The following PEAK1 variants were observed in gnomAD, a reference collection of about 807,000 sequenced individuals.
PEAK1 encodes pseudopodium enriched atypical kinase 1.
A neutral mutation model predicts 124.7 loss-of-function variants in PEAK1; 54 were observed. The observed-to-expected ratio is 0.43, with a 90% CI of 0.35 to 0.54. PEAK1 has a LOEUF of 0.54. PEAK1 is among the 20% of genes least tolerant of loss of function. PEAK1 has a pLI of 0.01. For synonymous variants in PEAK1, 719 were observed against 760.0 expected, an observed-to-expected ratio of 0.95 and a Z score of 0.89; for missense variants, 2,046 against 2,134.5, an observed-to-expected ratio of 0.96 and a Z score of 0.82.
chr15:77,314,131 ACCAT>A lies in PEAK1; in HGVS notation c.-602-27631_-602-27628del, dbSNP rs139218525. On this transcript the variant is annotated intron_variant, in intron 2 of 9. Transcript: ENST00000682557. ...TAAAGCATTACAGTATTTTTCTGTGACCATCAATTAATATGAGGGTTTGTGTTAT... is the reference window on the plus strand; with the variant it reads ...TAAAGCATTACAGTATTTTTCTGTGACAATTAATATGAGGGTTTGTGTTAT... Among the ~76,000 whole-genome samples, 759 of 152,236 alleles carry A rather than the reference ACCAT, an allele frequency of 5.0e-3. 6 individuals carry two copies. Among genetic ancestry groups the A allele is most frequent in the African/African-American group, 0.017 (720 of 41,540 alleles).
At chr15:77,239,886 A>C in intron 6 of PEAK1, 2 of 973,862 alleles carry the variant, frequency 2.1e-6, no homozygotes, top group Non-Finnish European at 2.4e-6. Context: ...TGAGAGAGTA[A>C]AATCTGTCAA....
chr15:77,153,421 T>G (rs1314290953), intron 8 of PEAK1, among the ~76,000 whole-genome samples: 4 of 152,116 alleles, frequency 2.6e-5, no homozygotes, highest in Non-Finnish European at 5.9e-5. Context: ...TTTGTTGATC[T>G]TTTCAAAAAA....
chr15:77,368,782 T>C (rs187821260), intron 1 of PEAK1, among the ~76,000 whole-genome samples: 1 of 152,264 alleles, frequency 6.6e-6, no homozygotes, highest in Admixed American at 6.5e-5. Flanking sequence ...CAATTCAAGA[T>C]ACTGGGGACA....
At chr15:77,252,584 G>A (rs1596893498) in intron 5 of PEAK1, 58 bp from the exon 6 acceptor site, 5 of 868,302 alleles carry the variant, frequency 5.8e-6, no homozygotes, top group Non-Finnish European at 6.9e-6. Flanking sequence ...AAATATATTG[G>A]ACATCTTTTC....
At chr15:77,266,243 AAAGTAT>A (rs2061723206) in intron 5 of PEAK1, among the ~76,000 whole-genome samples, 2 of 152,292 alleles carry the variant, frequency 1.3e-5, no homozygotes, top group South Asian at 2.1e-4. Flanking sequence ...CCTAAAAGTT[AAAGTAT>A]AATAATAAAA....
chr15:77,418,329 A>G, intron 1 of PEAK1: 1 of 985,310 alleles, frequency 1.0e-6, no homozygotes, highest in East Asian at 1.1e-4. Context: ...AAAAGCCTTA[A>G]AGAAAATAAT....
chr15:77,193,974 TA>T (rs1009991808), intron 6 of PEAK1, among the ~76,000 whole-genome samples: 1 of 152,206 alleles, frequency 6.6e-6, no homozygotes, highest in Non-Finnish European at 1.5e-5. Flanking sequence ...ATTCCAGAAT[TA>T]TACCTCTTGC....
chr15:77,313,692 G>GTGTGTGTA (rs34603921), intron 2 of PEAK1, among the ~76,000 whole-genome samples: 1,291 of 98,538 alleles, frequency 0.013, 17 homozygotes, highest in African/African-American at 0.031. Context: ...GTGTGTGTGT[G>GTGTGTGTA]TATATATATA....
chr15:77,417,400 T>C, intron 1 of PEAK1: 2 of 963,964 alleles, frequency 2.1e-6, no homozygotes, highest in Non-Finnish European at 2.4e-6. Context: ...ACCTAGAAAG[T>C]ACCAGGAGCT....
At chr15:77,399,429 C>T (rs995997063) in intron 1 of PEAK1, among the ~76,000 whole-genome samples, 2 of 152,074 alleles carry the variant, frequency 1.3e-5, no homozygotes, top group Non-Finnish European at 2.9e-5. Context: ...TACTACAATG[C>T]TATAGTAACT....
chr15:77,341,935 T>A (rs916581413), intron 2 of PEAK1, among the ~76,000 whole-genome samples: 11 of 152,078 alleles, frequency 7.2e-5, no homozygotes, highest in African/African-American at 2.7e-4. Flanking sequence ...ATCTAAAAAT[T>A]AAGACTTTAT....
intron 6 of PEAK1, among the ~76,000 whole-genome samples, chr15:77,195,453 A>C (rs2058054601): frequency 6.6e-6 from 1 of 152,220 alleles, no homozygotes; most frequent in Non-Finnish European, 1.5e-5. Flanking sequence ...AAAATAAATA[A>C]AAGGTAGGAG....
chr15:77,136,423 T>G (rs2053333928), intron 8 of PEAK1, among the ~76,000 whole-genome samples: 1 of 152,146 alleles, frequency 6.6e-6, no homozygotes, highest in African/African-American at 2.4e-5. Context: ...CCCAGCACTT[T>G]GAGAGGCTGA....
At chr15:77,151,539 C>T (rs970871216) in intron 8 of PEAK1, among the ~76,000 whole-genome samples, 2 of 152,166 alleles carry the variant, frequency 1.3e-5, no homozygotes, top group Non-Finnish European at 2.9e-5. Flanking sequence ...TCAATTTTGG[C>T]TTTTGCTGCC....
intron 6 of PEAK1, among the ~76,000 whole-genome samples, chr15:77,249,439 C>T (rs1426417133): frequency 6.6e-6 from 1 of 152,120 alleles, no homozygotes; most frequent in South Asian, 2.1e-4. Context: ...ATAGTTCACA[C>T]CATTAAAAAT....
chr15:77,360,008 A>G (rs1000894750), intron 2 of PEAK1, among the ~76,000 whole-genome samples: 1 of 152,222 alleles, frequency 6.6e-6, no homozygotes, highest in African/African-American at 2.4e-5. Flanking sequence ...TACACTGCCC[A>G]ATTTCAAAAC....
chr15:77,180,409 G>A lies in PEAK1; in HGVS notation c.1518C>T (p.Asn506=). The A allele has an allele frequency of 6.2e-7, 1 of 1,614,152 alleles. No individual in the cohort carries two copies. Among genetic ancestry groups the A allele is most frequent in the Non-Finnish European group, 8.5e-7 (1 of 1,180,022 alleles). ...TCAATGAAGATGATGTAACTGGAGAGTTTGGAGTAGAGGATGAGCTTTTTG... is the reference window on the plus strand; with the variant it reads ...TCAATGAAGATGATGTAACTGGAGAATTTGGAGTAGAGGATGAGCTTTTTG... ...PKTKSSSSTP[N]SPVTSSSLTP... The change falls in exon 7 of 10, where the codon AAC becomes AAT. Residue 506 remains asparagine, a synonymous_variant. Coordinates refer to ENST00000682557, the MANE Select transcript of PEAK1 (RefSeq NM_001385026.1).
At chr15:77,381,736 G>T (rs1027396756) in intron 1 of PEAK1, among the ~76,000 whole-genome samples, 3 of 152,254 alleles carry the variant, frequency 2.0e-5, no homozygotes, top group South Asian at 2.1e-4. Flanking sequence ...CTGCTTTGAT[G>T]GCAATTAGCT....
intron 1 of PEAK1, among the ~76,000 whole-genome samples, chr15:77,389,724 C>T (rs1053439110): frequency 3.9e-5 from 6 of 152,064 alleles, no homozygotes; most frequent in Non-Finnish European, 8.8e-5. Context: ...GGGTTACTAC[C>T]TTTTTGTAGA....
Sources: gnomAD v4.1 joint callset for allele counts (sites outside exome capture counted in the v4.1 genomes callset) on GRCh38, gnomAD v4.1.1 for gene constraint, MANE v1.5 for transcripts, NCBI Gene and HGNC (gene_info 2026-07-23, HGNC 2026-07-21) for gene names.